FHIT: variants seen among roughly 807,000 people sequenced by gnomAD.
FHIT encodes the protein bis(5'-adenosyl)-triphosphatase.
FHIT carries 19 observed loss-of-function variants against 17.9 expected under a neutral mutation model. The ratio of observed to expected loss-of-function variants is 1.06; its 90% CI spans 0.74 to 1.56. The LOEUF is 1.56. FHIT is among the 40% of genes most tolerant of loss of function. The pLI is 0.00. For missense variants in FHIT, 248 were observed against 189.2 expected, an observed-to-expected ratio of 1.31 and a Z score of -1.82; for synonymous variants, 81 against 69.7, an observed-to-expected ratio of 1.16 and a Z score of -0.81.
At chr3:60,134,350 G>A (rs1440812771) in intron 5 of FHIT, among the ~76,000 whole-genome samples, 1 of 152,156 alleles carries the variant, frequency 6.6e-6, no homozygotes, top group Non-Finnish European at 1.5e-5. Context: ...AATGGGGCAG[G>A]TTTTTATTCT....
At chr3:60,108,627 A>T (rs17312006) in intron 5 of FHIT, among the ~76,000 whole-genome samples, 4,642 of 151,596 alleles carry the variant, frequency 0.031, 96 homozygotes, top group Non-Finnish European at 0.041. Context: ...CCTTGTGCTT[A>T]GCATTTCTTG....
chr3:59,752,773 G>T (rs541601850), intron 8 of FHIT, among the ~76,000 whole-genome samples: 1 of 152,262 alleles, frequency 6.6e-6, no homozygotes, highest in South Asian at 2.1e-4. Context: ...CAGAAGACGT[G>T]CCTGCTTTCC....
chr3:60,836,600 A>T (rs1219543699), intron 3 of FHIT, among the ~76,000 whole-genome samples: 1 of 152,166 alleles, frequency 6.6e-6, no homozygotes, highest in Non-Finnish European at 1.5e-5. Flanking sequence ...TGATGTCTAC[A>T]GGGTCAATAG....
At chr3:59,900,926 TTAA>T (rs1425842460) in intron 8 of FHIT, among the ~76,000 whole-genome samples, 1 of 152,216 alleles carries the variant, frequency 6.6e-6, no homozygotes, top group Non-Finnish European at 1.5e-5. Context: ...GCCACACTGT[TTAA>T]AATCTATGCA....
At chr3:59,980,580 T>C (rs1278300153) in intron 7 of FHIT, among the ~76,000 whole-genome samples, 1 of 152,132 alleles carries the variant, frequency 6.6e-6, no homozygotes, top group Non-Finnish European at 1.5e-5. Context: ...ATCACAAAGC[T>C]GTGTAAGTCA....
chr3:59,810,746 A>T (rs1473209561), intron 8 of FHIT, among the ~76,000 whole-genome samples: 1 of 152,206 alleles, frequency 6.6e-6, no homozygotes, highest in Non-Finnish European at 1.5e-5. Flanking sequence ...AAAGGTCAAC[A>T]GCACTATCGA....
At chr3:60,991,654 T>A (rs2030228804) in intron 3 of FHIT, among the ~76,000 whole-genome samples, 1 of 152,154 alleles carries the variant, frequency 6.6e-6, no homozygotes, top group South Asian at 2.1e-4. Flanking sequence ...TCTTAGGGAC[T>A]CCATCAAACT....
At chr3:60,027,841 G>C (rs1462975345) in intron 5 of FHIT, among the ~76,000 whole-genome samples, 1 of 152,094 alleles carries the variant, frequency 6.6e-6, no homozygotes, top group Admixed American at 6.6e-5. Context: ...GAGCAGTGCT[G>C]TCTAGTGGAA....
intron 3 of FHIT, among the ~76,000 whole-genome samples, chr3:60,885,816 A>T (rs782184107): frequency 2.0e-5 from 3 of 152,192 alleles, no homozygotes; most frequent in Non-Finnish European, 4.4e-5. Flanking sequence ...TCTCAGCTCA[A>T]ATATCACCTC....
intron 3 of FHIT, among the ~76,000 whole-genome samples, chr3:60,962,080 T>G (rs1709483060): frequency 6.6e-6 from 1 of 152,206 alleles, no homozygotes; most frequent in African/African-American, 2.4e-5. Context: ...GTTCTTCCAT[T>G]TGTTTGTATC....
intron 5 of FHIT, among the ~76,000 whole-genome samples, chr3:60,328,549 C>A (rs1026612010): frequency 6.6e-6 from 1 of 152,132 alleles, no homozygotes; most frequent in Admixed American, 6.5e-5. Context: ...AAAAACCTGC[C>A]CCCATGATTC....
At chr3:60,099,009 T>C (rs1474845836) in intron 5 of FHIT, among the ~76,000 whole-genome samples, 1 of 152,174 alleles carries the variant, frequency 6.6e-6, no homozygotes, top group Non-Finnish European at 1.5e-5. Context: ...AATGATATAG[T>C]AGAGTGCTTA....
At chr3:60,361,494 G>C (rs1183169309) in intron 5 of FHIT, among the ~76,000 whole-genome samples, 1 of 152,144 alleles carries the variant, frequency 6.6e-6, no homozygotes, top group African/African-American at 2.4e-5. Flanking sequence ...TGAGTGACTA[G>C]CTAGGATGCA....
At chr3:60,188,449 G>C (rs1349788543) in intron 5 of FHIT, among the ~76,000 whole-genome samples, 2 of 151,942 alleles carry the variant, frequency 1.3e-5, no homozygotes, top group African/African-American at 2.4e-5. Context: ...ACAACCAAGA[G>C]TTTAAATTGG....
At chr3:60,955,618 A>ATGTATATATATATATG (rs1709104477) in intron 3 of FHIT, among the ~76,000 whole-genome samples, 2 of 14,562 alleles carry the variant, frequency 1.4e-4, no homozygotes, top group Non-Finnish European at 4.3e-4. Context: ...ATATATATAT[A>ATGTATATATATATATG]TATATATATA....
chr3:60,872,935 T>C (rs1553755341), intron 3 of FHIT, among the ~76,000 whole-genome samples: 1 of 152,110 alleles, frequency 6.6e-6, no homozygotes. Context: ...TTGTTCCCCG[T>C]TCAAAAAATA....
At chr3:59,797,044 A>G (rs1340868814) in intron 8 of FHIT, among the ~76,000 whole-genome samples, 1 of 152,220 alleles carries the variant, frequency 6.6e-6, no homozygotes, top group African/African-American at 2.4e-5. Context: ...CATAGGTTTC[A>G]TCATATATTT....
At chr3:61,131,227 A>C (rs1325515916) in intron 2 of FHIT, among the ~76,000 whole-genome samples, 5 of 152,226 alleles carry the variant, frequency 3.3e-5, no homozygotes, top group Admixed American at 3.3e-4. Context: ...TGCTTTGCAC[A>C]GAGTGAGTAC....
intron 4 of FHIT, among the ~76,000 whole-genome samples, chr3:60,754,190 G>T (rs6767314): frequency 0.52 from 79,391 of 151,966 alleles, 20,909 homozygotes; most frequent in South Asian, 0.59. Flanking sequence ...AAAGTAAACT[G>T]TACCCACTTT....
Sources: allele counts gnomAD v4.1 joint callset (sites outside exome capture counted in the v4.1 genomes callset), GRCh38; gene constraint gnomAD v4.1.1; transcripts MANE v1.5; gene names NCBI Gene and HGNC (gene_info 2026-07-23, HGNC 2026-07-21).